The following MTG1 variants were observed in gnomAD, a reference collection of about 807,000 sequenced individuals.
MTG1 encodes mitochondrial ribosome-associated GTPase 1.
A neutral mutation model predicts 39.5 loss-of-function variants in MTG1; 30 were observed. The observed-to-expected ratio is 0.76, with a 90% CI of 0.57 to 1.03. The LOEUF (loss-of-function observed/expected upper bound fraction) is 1.03, where lower values mean the gene tolerates loss of function less well. MTG1 is among the 50% of genes least tolerant of loss of function. The probability of loss-of-function intolerance (pLI) is 0.00; values close to 1 mark genes in which losing one functional copy is unlikely to be tolerated. For synonymous variants in MTG1, 217 were observed against 179.0 expected (o/e 1.21, Z -1.69); for missense variants, 513 against 447.4 (o/e 1.15, Z -1.32).
intron 1 of MTG1, 89 bp downstream of exon 1, chr10:133,394,421 C>T (rs1390218764): frequency 3.0e-6 from 4 of 1,342,732 alleles, no homozygotes; most frequent in East Asian, 6.2e-5. Context: ...TCGCCTGCTT[C>T]TCCCGGTCGT....
chr10:133,399,157 G>C lies in MTG1; in HGVS notation c.364-13G>C. On this transcript the variant is annotated splice_polypyrimidine_tract_variant and intron_variant, in intron 4 of 10. Coordinates refer to ENST00000317502, the MANE Select transcript of MTG1 (RefSeq NM_138384.4). ...CGACCTGGGGTGGCTCCATGAGTGG[G>C]TGTTTGTTGCAGATCATCCCGATGG... The C allele has an allele frequency of 6.2e-7, 1 of 1,614,172 alleles. No individual in the cohort carries two copies. The highest frequency in any genetic ancestry group is 8.5e-7 in the Non-Finnish European group (1 of 1,180,028).
At chr10:133,418,655 C>T (rs192594525) in intron 9 of MTG1, among the ~76,000 whole-genome samples, 143 of 152,230 alleles carry the variant, frequency 9.4e-4, no homozygotes, top group African/African-American at 3.2e-3. Flanking sequence ...GGGGTGAGTC[C>T]TCTGTTACCG....
intron 9 of MTG1, among the ~76,000 whole-genome samples, chr10:133,416,080 C>A (rs749203883): frequency 1.5e-5 from 2 of 129,634 alleles, no homozygotes; most frequent in Non-Finnish European, 3.3e-5. Flanking sequence ...TTTGCCCCAC[C>A]GCAGCTCAGT....
chr10:133,404,873 TCTAA>T (rs1212125096), intron 9 of MTG1, among the ~76,000 whole-genome samples: 5 of 152,234 alleles, frequency 3.3e-5, no homozygotes, highest in African/African-American at 4.8e-5. Flanking sequence ...GTTTGTGGAC[TCTAA>T]CTGTGTCACT....
chr10:133,394,721 A>T (rs1393877253), intron 1 of MTG1: 1 of 1,036,788 alleles, frequency 9.6e-7, no homozygotes, highest in East Asian at 8.5e-5. Context: ...GGACTAAATG[A>T]AACAGTGGGT....
At chr10:133,407,940 C>A (rs887840780) in intron 9 of MTG1, among the ~76,000 whole-genome samples, 2 of 152,178 alleles carry the variant, frequency 1.3e-5, no homozygotes. Context: ...TTTACTGAAA[C>A]CTTTTTATCA....
chr10:133,396,708 T>C (rs756224751), intron 3 of MTG1, among the ~76,000 whole-genome samples: 17 of 152,352 alleles, frequency 1.1e-4, no homozygotes, highest in Non-Finnish European at 2.4e-4. Context: ...GCAATTACTC[T>C]TCATTCCAAT....
rs761187856 is a variant in MTG1 at position 133,420,101 on chromosome 10, T to C, written c.941T>C (p.Leu314Pro). Residue 314 changes from leucine to proline, a missense_variant, in exon 11 of 11, where the codon CTG becomes CCG. Transcript: ENST00000317502. ...DFLQTFRRGL[L>P]GSVMLDLDVL... ...CTGCAGACTTTCCGCCGTGGGCTGC[T>C]GGGTTCCGTGATGCTGGACCTCGAC... The C allele has an allele frequency of 1.9e-6, 3 of 1,613,562 alleles. No individual in the cohort carries two copies. Among genetic ancestry groups the C allele is most frequent in the Non-Finnish European group, 2.5e-6 (3 of 1,179,842 alleles).
chr10:133,401,711 C>T (rs1849880540), intron 7 of MTG1, 121 bp downstream of exon 7: 1 of 926,314 alleles, frequency 1.1e-6, no homozygotes, highest in Non-Finnish European at 1.7e-6. Context: ...ACTCAGTGTC[C>T]CCGCTGAGCA....
At chr10:133,410,833 A>C (rs1022405105) in intron 9 of MTG1, among the ~76,000 whole-genome samples, 1 of 152,240 alleles carries the variant, frequency 6.6e-6, no homozygotes, top group Non-Finnish European at 1.5e-5. Context: ...AAGAATAGAA[A>C]CAAAGGAGAA....
chr10:133,409,343 GT>G (rs1850012070), intron 9 of MTG1, among the ~76,000 whole-genome samples: 1 of 152,130 alleles, frequency 6.6e-6, no homozygotes, highest in Admixed American at 6.5e-5. Flanking sequence ...TGTTTGTGTA[GT>G]TTTTGAGGTT....
Position 133,416,884 on chromosome 10 carries a change from A to C in MTG1, c.753-2596A>C, listed in dbSNP as rs548880203. The stretch of plus-strand genomic sequence containing the variant: ...AACACATGTGTGCATGTGTCTTTAT[A>C]GCAGCATGATTTATAGTCCTTTGGG... On this transcript the variant is annotated intron_variant, in intron 9 of 10. Transcript: ENST00000317502. Among the ~76,000 whole-genome samples the C allele has an allele frequency of 6.3e-4, 95 of 151,982 alleles. No homozygotes were observed. The Middle Eastern group carries it at 0.017, about 27-fold the overall frequency.
chr10:133,410,893 TTTC>T (rs1364273529), intron 9 of MTG1, among the ~76,000 whole-genome samples: 3 of 151,162 alleles, frequency 2.0e-5, no homozygotes, highest in Non-Finnish European at 4.4e-5. Context: ...ATTTTCACGT[TTTC>T]TTATTTCAAT....
intron 4 of MTG1, 82 bp downstream of exon 4, chr10:133,398,597 A>T: frequency 6.9e-7 from 1 of 1,454,220 alleles, no homozygotes; most frequent in Non-Finnish European, 9.3e-7. Context: ...ATGCTTTAGT[A>T]AGAAGCAGAG....
intron 9 of MTG1, among the ~76,000 whole-genome samples, chr10:133,404,965 C>T (rs1490088328): frequency 6.6e-6 from 1 of 152,164 alleles, no homozygotes; most frequent in Non-Finnish European, 1.5e-5. Context: ...TGGTAGCCCC[C>T]ACTCTTCTTT....
intron 9 of MTG1, among the ~76,000 whole-genome samples, chr10:133,416,873 T>C (rs1285174058): frequency 1.3e-5 from 2 of 151,830 alleles, no homozygotes; most frequent in Non-Finnish European, 2.9e-5. Flanking sequence ...CATGTGTGCA[T>C]GTGTCTTTAT....
At chr10:133,406,181 T>A (rs1849968001) in intron 9 of MTG1, among the ~76,000 whole-genome samples, 1 of 152,224 alleles carries the variant, frequency 6.6e-6, no homozygotes, top group Non-Finnish European at 1.5e-5. Flanking sequence ...TTTAAATAGT[T>A]ATGTGGTTTT....
intron 9 of MTG1, among the ~76,000 whole-genome samples, chr10:133,417,633 T>C (rs10776680): frequency 0.53 from 79,767 of 150,466 alleles, 23,412 homozygotes; most frequent in Non-Finnish European, 0.66. Flanking sequence ...AAAACCCCAT[T>C]GTCTCAGCCC....
intron 3 of MTG1, among the ~76,000 whole-genome samples, chr10:133,397,672 G>T (rs1385517361): frequency 6.6e-6 from 1 of 151,634 alleles, no homozygotes; most frequent in Non-Finnish European, 1.5e-5. Flanking sequence ...TAGAGACGGG[G>T]TTTCACTGTG....
Sources: allele counts gnomAD v4.1 joint callset (sites outside exome capture counted in the v4.1 genomes callset), GRCh38; gene constraint gnomAD v4.1.1; transcripts MANE v1.5; gene names NCBI Gene and HGNC (gene_info 2026-07-23, HGNC 2026-07-21).